CFAP251: variants seen among roughly 807,000 people sequenced by gnomAD.
The protein encoded by CFAP251 is cilia and flagella associated protein 251.
Under a neutral mutation model 126.7 loss-of-function variants are expected in CFAP251, and 93 were observed. The observed-to-expected ratio is 0.73, with a 90% CI of 0.62 to 0.87. CFAP251 has a LOEUF of 0.87. Ranked by LOEUF, CFAP251 falls within the 40% of genes least tolerant of loss-of-function variation. CFAP251 has a pLI of 0.00. For missense variants in CFAP251, 1,287 were observed against 1,389.2 expected (o/e 0.93, Z 1.17); for synonymous variants, 503 against 506.9 (o/e 0.99, Z 0.10).
intron 16 of CFAP251, 74 bp downstream of exon 16, chr12:121,967,143 C>T (rs974993959): frequency 4.1e-5 from 57 of 1,390,886 alleles, no homozygotes; most frequent in Non-Finnish European, 4.7e-5. Flanking sequence ...CTGAAGATCA[C>T]GAGACTCAGA....
chr12:121,993,834 G>A (rs1282061658), intron 19 of CFAP251, among the ~76,000 whole-genome samples: 6 of 134,450 alleles, frequency 4.5e-5, no homozygotes, highest in Non-Finnish European at 9.7e-5. Context: ...CGCCCCGTCC[G>A]GGAGGGAGGT....
rs200313633 is a variant in CFAP251 at position 121,942,603 on chromosome 12, C to A, written c.1068C>A (p.His356Gln). Reference sequence around the variant, plus strand: ...GCATCATGGCCATGGCCATGACCCACGACGCCAAGTATCTGGCAACCATCT... The same window carrying A: ...GCATCATGGCCATGGCCATGACCCAAGACGCCAAGTATCTGGCAACCATCT... ...GNGIMAMAMT[H>Q]DAKYLATISD... Residue 356 changes from histidine (H) to glutamine (Q), a missense_variant, in exon 6 of 22, where the codon CAC becomes CAA. By Grantham distance (24) the His-to-Gln change is conservative (BLOSUM62 0). Coordinates refer to ENST00000288912, the MANE Select transcript of CFAP251 (RefSeq NM_144668.6). The A allele has an allele frequency of 5.0e-6, 8 of 1,613,486 alleles. No individual in the cohort carries two copies. The Admixed American group carries it at 8.3e-5, about 17-fold the overall frequency.
intron 13 of CFAP251, 119 bp from the exon 14 acceptor site, chr12:121,960,466 C>G (rs996053223): frequency 9.2e-7 from 1 of 1,084,090 alleles, no homozygotes; most frequent in African/African-American, 1.6e-5. Flanking sequence ...GATCCACCCG[C>G]CTCGGCCTCC....
intron 2 of CFAP251, among the ~76,000 whole-genome samples, chr12:121,922,309 TA>T (rs1400572532): frequency 1.3e-5 from 2 of 150,816 alleles, no homozygotes; most frequent in African/African-American, 4.9e-5. Context: ...GGCTGTCACT[TA>T]TGTTGGCCAG....
At chr12:121,921,980 G>A (rs1300633399) in intron 2 of CFAP251, among the ~76,000 whole-genome samples, 1 of 151,658 alleles carries the variant, frequency 6.6e-6, no homozygotes, top group East Asian at 1.9e-4. Flanking sequence ...GTAGAGATGG[G>A]GTTTCGGTCT....
intron 9 of CFAP251, among the ~76,000 whole-genome samples, chr12:121,952,285 T>A (rs895593458): frequency 8.6e-6 from 1 of 115,660 alleles, no homozygotes; most frequent in Admixed American, 9.1e-5. Context: ...CCAGCCAGGG[T>A]GGTATGAGTC....
At chr12:121,966,875 C>A in intron 15 of CFAP251, 80 bp from the exon 16 acceptor site, 1 of 1,368,330 alleles carries the variant, frequency 7.3e-7, no homozygotes, top group Non-Finnish European at 1.0e-6. Flanking sequence ...TGAGCCACTG[C>A]GCCTGGCCCG....
At chr12:121,959,975 G>GA (rs1565913655) in intron 13 of CFAP251, among the ~76,000 whole-genome samples, 2 of 151,290 alleles carry the variant, frequency 1.3e-5, no homozygotes, top group South Asian at 2.1e-4. Context: ...AAAAACTAAT[G>GA]AAAAAAAACT....
At chr12:121,937,898 G>A (rs1220344724) in intron 5 of CFAP251, among the ~76,000 whole-genome samples, 2 of 152,082 alleles carry the variant, frequency 1.3e-5, no homozygotes, top group Admixed American at 6.5e-5. Context: ...ACTTAGCATC[G>A]TGCTTGAAGG....
Position 121,931,771 on chromosome 12 carries a change from A to T in CFAP251, c.773A>T (p.Asn258Ile). The T allele has an allele frequency of 6.3e-7, 1 of 1,596,268 alleles. No individual in the cohort carries two copies. Among genetic ancestry groups the T allele is most frequent in the Non-Finnish European group, 8.5e-7 (1 of 1,172,472 alleles). Residue 258 changes from asparagine (N) to isoleucine (I), a missense_variant, in exon 4 of 22, where the codon AAC becomes ATC. Coordinates refer to ENST00000288912, the MANE Select transcript of CFAP251 (RefSeq NM_144668.6). ...PLTMTWSFGW[N>I]SSLPVYYIRE... ...ACCATGACCTGGTCGTTTGGATGGA[A>T]CAGTTCTCTTCCTGTTTACTATATT...
At chr12:121,997,845 C>G (rs1883056027) in intron 19 of CFAP251, 2 of 151,538 alleles carry the variant, frequency 1.3e-5, no homozygotes, top group Admixed American at 6.6e-5. Context: ...TCCACCTCCC[C>G]AGTTCAAGCG....
intron 3 of CFAP251, among the ~76,000 whole-genome samples, chr12:121,931,319 G>A (rs543560561): frequency 1.6e-4 from 25 of 151,944 alleles, no homozygotes; most frequent in Non-Finnish European, 2.5e-4. Context: ...GAACATTAAC[G>A]TTGCCATCTT....
At chr12:121,979,434 A>G (rs1022897144) in intron 19 of CFAP251, among the ~76,000 whole-genome samples, 2 of 152,114 alleles carry the variant, frequency 1.3e-5, no homozygotes, top group Non-Finnish European at 2.9e-5. Flanking sequence ...GGTCCAGCCA[A>G]TCGGAATCTC....
At chr12:121,944,893 C>T (rs959860266) in intron 7 of CFAP251, among the ~76,000 whole-genome samples, 1 of 152,164 alleles carries the variant, frequency 6.6e-6, no homozygotes, top group African/African-American at 2.4e-5. Flanking sequence ...AGCAGTCCTC[C>T]TACCTTAGCC....
chr12:121,978,969 T>C (rs1882549797), intron 19 of CFAP251, among the ~76,000 whole-genome samples: 1 of 152,202 alleles, frequency 6.6e-6, no homozygotes, highest in African/African-American at 2.4e-5. Context: ...TGTAGCATTT[T>C]ACGTGCCCAT....
At chr12:121,920,661 G>T (rs188010839) in intron 1 of CFAP251, among the ~76,000 whole-genome samples, 9 of 152,268 alleles carry the variant, frequency 5.9e-5, no homozygotes, top group South Asian at 2.1e-4. Flanking sequence ...CTCCCAAAGT[G>T]CTGGGATTAC....
chr12:121,921,740 T>C (rs1880188186), intron 2 of CFAP251, 57 bp downstream of exon 2: 1 of 1,538,892 alleles, frequency 6.5e-7, no homozygotes, highest in South Asian at 1.3e-5. Flanking sequence ...GTTGAATGCT[T>C]AGTATAGGCC....
At chr12:121,969,853 A>T in intron 17 of CFAP251, 3 of 985,398 alleles carry the variant, frequency 3.0e-6, no homozygotes, top group Non-Finnish European at 3.6e-6. Context: ...AAGAAGAAGA[A>T]AAAAAGGCCT....
intron 15 of CFAP251, 30 bp from the exon 16 acceptor site, chr12:121,966,925 T>G (rs1433403154): frequency 6.2e-7 from 1 of 1,603,112 alleles, no homozygotes; most frequent in Admixed American, 1.7e-5. Context: ...TTTGTGGAAT[T>G]TTAAAAACTC....
Sources: allele counts gnomAD v4.1 joint callset (sites outside exome capture counted in the v4.1 genomes callset), GRCh38; gene constraint gnomAD v4.1.1; transcripts MANE v1.5; gene names NCBI Gene and HGNC (gene_info 2026-07-23, HGNC 2026-07-21).